DST: variants seen among roughly 807,000 people sequenced by gnomAD.
The protein encoded by DST is bullous pemphigoid antigen.
In DST, 253 loss-of-function variants were observed where a neutral mutation model predicts 875.2. That is an observed-to-expected ratio of 0.29 (90% CI 0.26 to 0.32). The LOEUF (loss-of-function observed/expected upper bound fraction) is 0.32. Ranked by LOEUF, DST falls within the 10% of genes least tolerant of loss-of-function variation. The probability of loss-of-function intolerance (pLI) is 1.00; values close to 1 mark genes in which losing one functional copy is unlikely to be tolerated. For synonymous variants in DST, 3,124 were observed against 3,197.1 expected, an observed-to-expected ratio of 0.98 and a Z score of 0.77; for missense variants, 8,287 against 9,111.6, an observed-to-expected ratio of 0.91 and a Z score of 3.68.
Position 56,606,160 on chromosome 6 carries a change from T to A in DST, c.8468A>T (p.Asn2823Ile). Reference sequence around the variant, plus strand: ...CACATTTTGGCACCTGGGCTTTCCATTCTCATCTCTTATACCTCCTCCTTC... The same window carrying A: ...CACATTTTGGCACCTGGGCTTTCCAATCTCATCTCTTATACCTCCTCCTTC... ...DEEGGGIRDE[N>I]GKPRCQNVAE... is the part of the protein sequence containing the mutation. Residue 2823 changes from asparagine to isoleucine, a missense_variant, in exon 40 of 104, where the codon AAT becomes ATT. By Grantham distance (149) the Asn-to-Ile change is moderately radical. Transcript: ENST00000680361. 2 of 1,604,622 alleles carry A rather than the reference T, an allele frequency of 1.2e-6. No individual in the cohort carries two copies. The highest frequency in any genetic ancestry group is 1.7e-6 in the Non-Finnish European group (2 of 1,174,208).
Position 56,561,310 on chromosome 6 carries a change from T to G in DST, c.14308A>C (p.Lys4770Gln). ...EAVKTQVEQN[K>Q]SFEAELKQNV... ...ATAGGTGCACCCACAGAATATACCT[T>G]ATTCTGCTCAACTTGAGTCTTCACA... is the stretch of plus-strand genomic sequence containing the variant. The change falls in exon 57 of 104, where the codon AAG (lysine) becomes CAG (glutamine). Residue 4770 changes from lysine (K) to glutamine (Q), a missense_variant and splice_region_variant. By Grantham distance (53) the Lys-to-Gln change is moderately conservative (BLOSUM62 1). Around this residue, in one of 10 missense-constraint regions of DST, gnomAD observed 1,513 missense variants for 1,677.8 expected, o/e 0.90. Transcript: ENST00000680361. The G allele has an allele frequency of 6.2e-7, 1 of 1,611,330 alleles. No individual in the cohort carries two copies. The highest frequency in any genetic ancestry group is 8.5e-7 in the Non-Finnish European group (1 of 1,178,434).
At chr6:56,725,452 G>C (rs1442187944) in intron 5 of DST, among the ~76,000 whole-genome samples, 2 of 152,140 alleles carry the variant, frequency 1.3e-5, no homozygotes, top group Non-Finnish European at 2.9e-5. Context: ...CATGACCCTA[G>C]CTGAAACCAG....
chr6:56,851,681 C>A, intron 3 of DST, 77 bp from the exon 4 acceptor site: 3 of 1,555,374 alleles, frequency 1.9e-6, no homozygotes, highest in Non-Finnish European at 2.6e-6. Context: ...TCTCCCCCAC[C>A]AACCACCGCC....
intron 4 of DST, among the ~76,000 whole-genome samples, chr6:56,802,500 G>A (rs1351311235): frequency 1.3e-5 from 2 of 151,894 alleles, no homozygotes; most frequent in Non-Finnish European, 2.9e-5. Context: ...CACAAACTAT[G>A]AACATCCTAG....
At chr6:56,692,746 A>C in intron 9 of DST, 1 of 1,289,678 alleles carries the variant, frequency 7.8e-7, no homozygotes, top group South Asian at 1.2e-5. Flanking sequence ...ACTAACTTTT[A>C]CTTCTGTTTC....
chr6:56,811,787 A>G (rs772432866), intron 4 of DST, among the ~76,000 whole-genome samples: 2 of 152,172 alleles, frequency 1.3e-5, no homozygotes, highest in African/African-American at 2.4e-5. Flanking sequence ...GATTAGAAAT[A>G]TAAGTTCCTT....
At chr6:56,776,141 G>A (rs1350010140) in intron 4 of DST, among the ~76,000 whole-genome samples, 1 of 152,106 alleles carries the variant, frequency 6.6e-6, no homozygotes, top group East Asian at 1.9e-4. Context: ...TCACCTCTGT[G>A]GTCTTCCTTG....
chr6:56,935,650 G>A lies in DST; in HGVS notation c.216+18135C>T, dbSNP rs113998733. Among the ~76,000 whole-genome samples, 1,411 of 152,216 alleles carry A rather than the reference G, an allele frequency of 9.3e-3. 17 individuals carry two copies. The highest frequency in any genetic ancestry group is 0.016 in the Non-Finnish European group (1,087 of 67,996). On this transcript the variant is annotated intron_variant, in intron 2 of 103. Coordinates refer to ENST00000680361, the MANE Select transcript of DST (RefSeq NM_001374736.1). ...AAATATAAAGAATAATGAGATTGCC[G>A]GGCACGGTAGCTCACACCTGTAATC...
rs752238080 is a variant in DST at position 56,630,402 on chromosome 6, C to T, written c.4143-19G>A. The T allele has an allele frequency of 6.4e-5, 103 of 1,607,420 alleles. 2 individuals are homozygous for T. The South Asian group carries it at 1.0e-3, about 16-fold the overall frequency. On this transcript the variant is annotated intron_variant, in intron 30 of 103. Transcript: ENST00000680361. Reference sequence around the variant, plus strand: ...TTTCAACCTTAAAAAGGAAATTAAACAATAGCCACCTATGGTTAAATGTTT... The same window carrying T: ...TTTCAACCTTAAAAAGGAAATTAAATAATAGCCACCTATGGTTAAATGTTT...
chr6:56,548,264 A>G (rs2097262149), intron 61 of DST, among the ~76,000 whole-genome samples: 1 of 152,242 alleles, frequency 6.6e-6, no homozygotes, highest in Non-Finnish European at 1.5e-5. Flanking sequence ...ATTCAAAGCC[A>G]TCCTGGGCCA....
intron 5 of DST, among the ~76,000 whole-genome samples, chr6:56,719,699 C>A (rs1482547130): frequency 6.6e-6 from 1 of 152,154 alleles, no homozygotes. Flanking sequence ...AAGCGTCAGC[C>A]GGTTTGAGAA....
intron 5 of DST, among the ~76,000 whole-genome samples, chr6:56,725,013 C>T (rs2099443989): frequency 6.6e-6 from 1 of 152,112 alleles, no homozygotes; most frequent in African/African-American, 2.4e-5. Flanking sequence ...GTTCAAAATT[C>T]TATGTAAATT....
rs755497057 is a variant in DST, at chr6:56,597,888, T to C, written c.12047A>G (p.Glu4016Gly). The change falls in exon 47 of 104, where the codon GAA becomes GGA. Residue 4016 changes from glutamate (E) to glycine (G), a missense_variant. Transcript: ENST00000680361. ...RAGTKHKQVI[E>G]QNGTHFQEGD... The stretch of plus-strand genomic sequence containing the variant: ...TTCTTGAAAATGGGTCCCGTTCTGT[T>C]CGATTACCTGTTTGTGTTTTGTCCC... 1.4e-5 allele frequency: 22 copies of C among 1,613,724 alleles called. 1 individual carries two copies. The South Asian group carries it at 2.4e-4, about 18-fold the overall frequency.
intron 5 of DST, among the ~76,000 whole-genome samples, chr6:56,717,429 GC>G (rs1213484618): frequency 1.3e-5 from 2 of 150,870 alleles, no homozygotes; most frequent in East Asian, 4.2e-4. Flanking sequence ...AATGATAATA[GC>G]CATTCCCCCA....
At chr6:56,640,964 G>A (rs1205901913) in intron 17 of DST, among the ~76,000 whole-genome samples, 2 of 151,938 alleles carry the variant, frequency 1.3e-5, no homozygotes, top group Non-Finnish European at 2.9e-5. Context: ...TTATAACTAT[G>A]ATTTATAATG....
chr6:56,604,718 T>C lies in DST; in HGVS notation c.9910A>G (p.Ser3304Gly). The change falls in exon 40 of 104, where the codon AGT (serine) becomes GGT (glycine). Residue 3304 changes from serine to glycine, a missense_variant. Around this residue, in one of 10 missense-constraint regions of DST, gnomAD observed 3,138 missense variants for 3,116.6 expected, o/e 1.01. Coordinates refer to ENST00000680361, the MANE Select transcript of DST (RefSeq NM_001374736.1). ...CANGLGNDNS[S>G]NTLNTDYSFL... ...GAATAGTCAGTATTTAAAGTGTTAC[T>C]GGAGTTATCATTTCCTAATCCATTT... The C allele has an allele frequency of 6.2e-7, 1 of 1,612,524 alleles. No individual in the cohort carries two copies. Among genetic ancestry groups the C allele is most frequent in the Middle Eastern group, 1.7e-4 (1 of 6,048 alleles).
chr6:56,621,739 T>A (rs1291522936), intron 36 of DST, among the ~76,000 whole-genome samples: 2 of 152,196 alleles, frequency 1.3e-5, no homozygotes, highest in African/African-American at 4.8e-5. Context: ...ATTAATATTC[T>A]AGTGTGTTAG....
intron 4 of DST, among the ~76,000 whole-genome samples, chr6:56,759,929 T>G (rs2099613434): frequency 6.6e-6 from 1 of 152,230 alleles, no homozygotes; most frequent in Admixed American, 6.5e-5. Flanking sequence ...CAGAATCATT[T>G]TGTGGTCCAA....
chr6:56,630,479 GTTC>G (rs2098769046), intron 30 of DST, 96 bp from the exon 31 acceptor site: 6 of 1,076,954 alleles, frequency 5.6e-6, no homozygotes, highest in Middle Eastern at 2.9e-4. Context: ...GACATAACAT[GTTC>G]TTCACCTTGG....
Sources: allele counts gnomAD v4.1 joint callset (sites outside exome capture counted in the v4.1 genomes callset), GRCh38; gene constraint gnomAD v4.1.1; regional missense constraint gnomAD v4.1.1; transcripts MANE v1.5; gene names NCBI Gene and HGNC (gene_info 2026-07-23, HGNC 2026-07-21).